The following CFAP221 variants were observed in gnomAD, a reference collection of about 807,000 sequenced individuals.
CFAP221 encodes the protein cilia and flagella associated protein 221.
Under a neutral mutation model 113.1 loss-of-function variants are expected in CFAP221, and 97 were observed. The ratio of observed to expected loss-of-function variants is 0.86; its 90% confidence interval spans 0.73 to 1.02. The LOEUF (loss-of-function observed/expected upper bound fraction) is 1.02. CFAP221 is among the 50% of genes least tolerant of loss of function. The pLI, the probability that CFAP221 is intolerant of heterozygous loss-of-function variation, is 0.00. For synonymous variants in CFAP221, 331 were observed against 354.4 expected (o/e 0.93, Z 0.74); for missense variants, 1,025 against 1,013.4 (o/e 1.01, Z -0.16).
intron 12 of CFAP221, among the ~76,000 whole-genome samples, 157 bp from the exon 13 acceptor site, chr2:119,611,496 A>C (rs1400251548): frequency 6.6e-6 from 1 of 151,514 alleles, no homozygotes; most frequent in Non-Finnish European, 1.5e-5. Flanking sequence ...CAGTGTAATC[A>C]TACTGATCTT....
At chr2:119,581,297 G>C (rs1019102046) in intron 6 of CFAP221, among the ~76,000 whole-genome samples, 1 of 152,168 alleles carries the variant, frequency 6.6e-6, no homozygotes, top group African/African-American at 2.4e-5. Flanking sequence ...TTAATGAGAT[G>C]ATTGAGGCAA....
intron 8 of CFAP221, 129 bp from the exon 9 acceptor site, chr2:119,604,543 C>A: frequency 1.2e-6 from 1 of 806,522 alleles, no homozygotes; most frequent in Non-Finnish European, 1.8e-6. Flanking sequence ...ACTGTTGGGG[C>A]ACACATTTAT....
chr2:119,569,261 G>A (rs2104564430), intron 6 of CFAP221, among the ~76,000 whole-genome samples: 1 of 152,066 alleles, frequency 6.6e-6, no homozygotes, highest in South Asian at 2.1e-4. Flanking sequence ...AGGGACTACA[G>A]GCACCCACCA....
downstream of CFAP221, among the ~76,000 whole-genome samples, chr2:119,657,725 T>A (rs1488333738): frequency 6.6e-6 from 1 of 152,238 alleles, no homozygotes; most frequent in Non-Finnish European, 1.5e-5. Context: ...CTTCTCCTCA[T>A]CTGTGACAGT....
chr2:119,636,736 C>G (rs1687136781), intron 19 of CFAP221, among the ~76,000 whole-genome samples: 1 of 152,196 alleles, frequency 6.6e-6, no homozygotes, highest in Non-Finnish European at 1.5e-5. Context: ...CCTCACAAAT[C>G]CTTGCAGCCG....
rs1324197755 is a variant in CFAP221, at chr2:119,628,284, C to CTT, written c.1650+499_1650+500insTT. Among the ~76,000 whole-genome samples the CTT allele has an allele frequency of 1.3e-4, 5 of 39,288 alleles. No homozygotes were observed. The Admixed American group carries it at 1.3e-3, about 10-fold the overall frequency. The allele number at this position is 39,288 out of a possible 152,430, so 25.8% of individuals were successfully genotyped here. ...TCACAACCCACTTCTCTCTCTCTCT[C>CTT]TCTCTGGGGGGTGTGTGTGTGTGTG... On this transcript the variant is annotated intron_variant, in intron 16 of 23. Coordinates refer to ENST00000413369, the MANE Select transcript of CFAP221 (RefSeq NM_001271049.2).
intron 7 of CFAP221, among the ~76,000 whole-genome samples, chr2:119,591,308 C>T (rs1218403117): frequency 6.6e-6 from 1 of 152,134 alleles, no homozygotes; most frequent in African/African-American, 2.4e-5. Flanking sequence ...AGTTCCCTAG[C>T]TTTTAGAGGA....
chr2:119,554,133 G>A (rs1280661148), intron 3 of CFAP221, among the ~76,000 whole-genome samples: 1 of 152,200 alleles, frequency 6.6e-6, no homozygotes, highest in African/African-American at 2.4e-5. Context: ...TGAAATTCTT[G>A]CCAAACAAGG....
chr2:119,555,198 A>C (rs1680703603), intron 3 of CFAP221, among the ~76,000 whole-genome samples: 1 of 152,130 alleles, frequency 6.6e-6, no homozygotes, highest in South Asian at 2.1e-4. Context: ...GCGGTTCTGA[A>C]AAACTCTAGA....
At chr2:119,626,793 G>A (rs1381666905) in intron 15 of CFAP221, among the ~76,000 whole-genome samples, 3 of 151,806 alleles carry the variant, frequency 2.0e-5, no homozygotes, top group Admixed American at 1.3e-4. Flanking sequence ...ATCCAGGACC[G>A]GTGGCATATG....
In CFAP221 at chr2:119,638,368, G is replaced by A. The variant is rs1334216676; in HGVS notation, c.2084G>A (p.Arg695His). ...HPKYKFTKES[R>H]HGSSIPVTQK... ...AAGTACAAATTCACCAAAGAGTCCCGCCACGGGTCCAGCATTCCTGTCACC... is the reference window on the plus strand; with the variant it reads ...AAGTACAAATTCACCAAAGAGTCCCACCACGGGTCCAGCATTCCTGTCACC... The change falls in exon 20 of 24, where the codon CGC becomes CAC. Residue 695 changes from arginine to histidine, a missense_variant. Arg to His is a conservative substitution (Grantham distance 29, BLOSUM62 0). Coordinates refer to ENST00000413369, the MANE Select transcript of CFAP221 (RefSeq NM_001271049.2). 13 of 1,613,962 alleles carry A rather than the reference G, an allele frequency of 8.1e-6. No homozygotes were observed. The highest frequency in any genetic ancestry group is 1.6e-4 in the Middle Eastern group (1 of 6,084).
rs555651779 is a variant in CFAP221 at position 119,600,939 on chromosome 2, A to G, written c.632-279A>G. 3.9e-5 allele frequency among the ~76,000 whole-genome samples: 6 copies of G among 152,342 alleles called. No homozygotes were observed. The East Asian group carries it at 1.2e-3, about 29-fold the overall frequency. ...TTTTCTCTTCCTTATCATTTCCATA[A>G]TGACATTTTCTTTTATCTGGTTTAT... On this transcript the variant is annotated intron_variant, in intron 7 of 23. Transcript: ENST00000413369.
At chr2:119,587,087 T>A (rs1369723220) in intron 6 of CFAP221, 32 bp from the exon 7 acceptor site, 1 of 1,414,664 alleles carries the variant, frequency 7.1e-7, no homozygotes, top group Admixed American at 2.4e-5. Flanking sequence ...AGAAAAATAA[T>A]ATTTTTATTT....
chr2:119,604,674 T>G lies in CFAP221; in HGVS notation c.794T>G (p.Leu265Ter), dbSNP rs754675793. The G allele has an allele frequency of 6.4e-7, 1 of 1,555,864 alleles. No individual in the cohort carries two copies. The highest frequency in any genetic ancestry group is 8.6e-7 in the Non-Finnish European group (1 of 1,158,434). ...TTAACACTTGTTTTAACCTATAGAT[T>G]AGAAGAGTTTGAAAGGTTGAATACC... is the stretch of plus-strand genomic sequence containing the variant. ...GTCYPNMALP[L>*]EEFERLNTLS... is the part of the protein sequence containing the mutation. The change falls in exon 9 of 24, where the codon TTA becomes TGA. Residue 265 changes from leucine (L) to a stop codon, truncating the protein, a stop_gained and splice_region_variant. Transcript: ENST00000413369. LOFTEE classifies it high-confidence loss of function.
downstream of CFAP221, among the ~76,000 whole-genome samples, chr2:119,659,495 TC>T (rs1486283129): frequency 6.6e-6 from 1 of 152,274 alleles, no homozygotes; most frequent in African/African-American, 2.4e-5. Context: ...CAGAGAAGTA[TC>T]ATTCCTTCTC....
chr2:119,644,908 T>C (rs1687705084), intron 21 of CFAP221, among the ~76,000 whole-genome samples: 1 of 152,156 alleles, frequency 6.6e-6, no homozygotes. Flanking sequence ...CTCAATCTTA[T>C]AATACATCAA....
At chr2:119,572,343 A>G (rs1270376918) in intron 6 of CFAP221, among the ~76,000 whole-genome samples, 1 of 152,226 alleles carries the variant, frequency 6.6e-6, no homozygotes, top group African/African-American at 2.4e-5. Context: ...TGTGCTTTAT[A>G]ACTAGATATC....
intron 19 of CFAP221, among the ~76,000 whole-genome samples, chr2:119,631,377 A>G (rs1281966842): frequency 6.6e-6 from 1 of 152,236 alleles, no homozygotes; most frequent in Non-Finnish European, 1.5e-5. Context: ...GGTCAGATTG[A>G]AAATCAATGA....
chr2:119,639,099 T>A (rs1687314291), intron 20 of CFAP221, among the ~76,000 whole-genome samples: 1 of 152,078 alleles, frequency 6.6e-6, no homozygotes, highest in South Asian at 2.1e-4. Flanking sequence ...CGGGCACCGG[T>A]GTGCCACTGA....
Sources: allele counts gnomAD v4.1 joint callset (sites outside exome capture counted in the v4.1 genomes callset), GRCh38; gene constraint gnomAD v4.1.1; transcripts MANE v1.5; gene names NCBI Gene and HGNC (gene_info 2026-07-23, HGNC 2026-07-21).